The following NOTCH3 variants were observed in gnomAD, a reference collection of about 807,000 sequenced individuals.
The protein encoded by NOTCH3 is neurogenic locus notch homolog protein 3.
A neutral mutation model predicts 213.3 loss-of-function variants in NOTCH3; 86 were observed. That is an observed-to-expected ratio of 0.40 (90% CI 0.34 to 0.48). The LOEUF (loss-of-function observed/expected upper bound fraction) is 0.48. Ranked by LOEUF, NOTCH3 falls within the 20% of genes least tolerant of loss-of-function variation. NOTCH3 has a pLI of 0.57. For synonymous variants in NOTCH3, 1,354 were observed against 1,355.9 expected (o/e 1.00, Z 0.03); for missense variants, 2,783 against 3,272.6 (o/e 0.85, Z 3.65).
rs781063990 is a variant in NOTCH3, at chr19:15,173,052, C to CCTCCTCCT, written c.4736+1015_4736+1016insAGGAGGAG. Among the ~76,000 whole-genome samples the CCTCCTCCT allele has an allele frequency of 6.2e-3, 117 of 18,982 alleles. 30 individuals are homozygous for CCTCCTCCT. Among genetic ancestry groups the CCTCCTCCT allele is most frequent in the East Asian group, 0.025 (14 of 558 alleles). The allele number at this position is 18,982 out of a possible 152,430, so 12.5% of individuals were successfully genotyped here. ...CCCCCTCCCCCTCCCCCTCCCTCCT[C>CCTCCTCCT]CCTCTTCTTCTTCTTCTTCTTCTTC... On this transcript the variant is annotated intron_variant, in intron 25 of 32. Coordinates refer to ENST00000263388, the MANE Select transcript of NOTCH3 (RefSeq NM_000435.3).
Position 15,192,002 on chromosome 19 carries a change from T to G in NOTCH3, c.637A>C (p.Arg213=), listed in dbSNP as rs2088112523. The G allele has an allele frequency of 6.2e-7, 1 of 1,613,370 alleles. No homozygotes were observed. The part of the protein sequence containing the change: ...PSPCRNGGTC[R]QSGDLTYDCA... ...TCGTAAGTGAGGTCGCCACTCTGCC[T>G]GCAGGTGCCCCCGTTACGGCATGGT... is the stretch of plus-strand genomic sequence containing the variant. Residue 213 remains arginine (R), a synonymous_variant, in exon 4 of 33, where the codon AGG becomes CGG. Coordinates refer to ENST00000263388, the MANE Select transcript of NOTCH3 (RefSeq NM_000435.3).
chr19:15,200,003 C>G (rs1427791046), intron 1 of NOTCH3, among the ~76,000 whole-genome samples: 3 of 148,790 alleles, frequency 2.0e-5, no homozygotes, highest in Admixed American at 1.3e-4. Flanking sequence ...GGTGTCTAGA[C>G]GGCGCGGCCA....
At chr19:15,167,134 C>A in intron 29 of NOTCH3, 115 bp downstream of exon 29, 1 of 1,117,738 alleles carries the variant, frequency 8.9e-7, no homozygotes, top group Non-Finnish European at 1.3e-6. Flanking sequence ...ATACACACAC[C>A]CTTCACAGAA....
At chr19:15,191,395 G>A (rs1183013851) in intron 6 of NOTCH3, 29 bp downstream of exon 6, 1 of 1,587,164 alleles carries the variant, frequency 6.3e-7, no homozygotes, top group South Asian at 1.1e-5. Context: ...AACCATCCAT[G>A]GCTCCCTGCA....
rs184996545 is a variant in NOTCH3 at position 15,160,928 on chromosome 19, G to A, written c.6700C>T (p.Arg2234Cys). The A allele has an allele frequency of 7.5e-5, 120 of 1,601,354 alleles. No homozygotes were observed. Among genetic ancestry groups the A allele is most frequent in the Admixed American group, 2.2e-4 (13 of 58,288 alleles). ...TGCTCACTGGGAACCCGCAGGAAGC[G>A]GGCCTTTGGGGGGCTGCTGTGTGCC... is the stretch of plus-strand genomic sequence containing the variant. ...AGAHSSPPKA[R>C]FLRVPSEHPY... Residue 2234 changes from arginine to cysteine, a missense_variant, in exon 33 of 33, where the codon CGC (arginine) becomes TGC (cysteine). Arg to Cys is a radical substitution (Grantham distance 180). This residue lies in a region of NOTCH3 where 441 missense variants were observed against 432.1 expected (regional missense o/e 1.02). Coordinates refer to ENST00000263388, the MANE Select transcript of NOTCH3 (RefSeq NM_000435.3).
chr19:15,160,559 A>C lies in NOTCH3; in HGVS notation c.*103T>G, dbSNP rs1385270277. On this transcript the variant is annotated 3_prime_UTR_variant, in exon 33 of 33. Transcript: ENST00000263388. ...AGGATGCAGGAGGGTTGGTGGAAAG[A>C]GAAGAGGATGAAAAAGACTAAAAGG... The C allele has an allele frequency of 5.1e-6, 5 of 972,252 alleles. No individual in the cohort carries two copies. In the African/African-American group the frequency reaches 8.0e-5, roughly 16 times the overall value. 60.2% of individuals were successfully genotyped at this position (972,252 alleles called of 1,614,324 possible).
rs545671418 is a variant in NOTCH3 at position 15,160,075 on chromosome 19, C to G, written c.*587G>C. 1 of 233,638 alleles carries G rather than the reference C, an allele frequency of 4.3e-6. No individual in the cohort carries two copies. The highest frequency in any genetic ancestry group is 8.5e-6 in the Non-Finnish European group (1 of 118,188). The allele number at this position is 233,638 out of a possible 1,614,324, so 14.5% of individuals were successfully genotyped here. A position where few individuals can be genotyped will look rare whatever the true frequency, so the allele number is the denominator to read the frequency against. ...CCCCGACCCCTGGCCCCAGTGGGTGCGCCCAAGGGTGCCTACTTGGTACAT... is the reference window on the plus strand; with the variant it reads ...CCCCGACCCCTGGCCCCAGTGGGTGGGCCCAAGGGTGCCTACTTGGTACAT... On this transcript the variant is annotated 3_prime_UTR_variant, in exon 33 of 33. Coordinates refer to ENST00000263388, the MANE Select transcript of NOTCH3 (RefSeq NM_000435.3).
rs1366958940 is a variant in NOTCH3, at chr19:15,178,196, G to A, written c.3838-106C>T. 4.2e-5 allele frequency: 29 copies of A among 691,024 alleles called. No individual in the cohort carries two copies. In the East Asian group the frequency reaches 8.1e-4, roughly 19 times the overall value. The allele number at this position is 691,024 out of a possible 1,614,324, so 42.8% of individuals were successfully genotyped here. ...GGAAAAGAAGAGTCAAGGGGAGAGA[G>A]GGGGAAGAGAAGAGGTCAAGACTAA... On this transcript the variant is annotated intron_variant, in intron 23 of 32. Coordinates refer to ENST00000263388, the MANE Select transcript of NOTCH3 (RefSeq NM_000435.3).
Position 15,181,816 on chromosome 19 carries a change from A to G in NOTCH3, c.2567-15T>C. On this transcript the variant is annotated splice_polypyrimidine_tract_variant and intron_variant, in intron 16 of 32. Coordinates refer to ENST00000263388, the MANE Select transcript of NOTCH3 (RefSeq NM_000435.3). The stretch of plus-strand genomic sequence containing the variant: ...CAGGCATGGGTCTGCGGACAGGAGG[A>G]AGGCGGTCTGGTCACCTACCTTGCC... 6.5e-7 allele frequency: 1 copy of G among 1,548,344 alleles called. No homozygotes were observed. The highest frequency in any genetic ancestry group is 8.7e-7 in the Non-Finnish European group (1 of 1,146,496).
chr19:15,160,343 T>G lies in NOTCH3; in HGVS notation c.*319A>C, dbSNP rs1030995611. 1 of 304,576 alleles carries G rather than the reference T, an allele frequency of 3.3e-6. No individual in the cohort carries two copies. The highest frequency in any genetic ancestry group is 6.0e-6 in the Non-Finnish European group (1 of 166,286). The allele number at this position is 304,576 out of a possible 1,614,324, so 18.9% of individuals were successfully genotyped here. On this transcript the variant is annotated 3_prime_UTR_variant, in exon 33 of 33. Coordinates refer to ENST00000263388, the MANE Select transcript of NOTCH3 (RefSeq NM_000435.3). ...GAAAAATAAAAATAATAATAATTCA[T>G]TCATGTCAGAGTGTAAGGAAATGAG...
rs2046807438 is a variant in NOTCH3, at chr19:15,178,056, C to G, written c.3872G>C (p.Arg1291Pro). Residue 1291 changes from arginine to proline, a missense_variant, in exon 24 of 33, where the codon CGC becomes CCC. Arg to Pro is a moderately radical substitution (Grantham distance 103, BLOSUM62 -2). This residue lies in a region of NOTCH3 where 861 missense variants were observed against 909.1 expected (regional missense o/e 0.95). Coordinates refer to ENST00000263388, the MANE Select transcript of NOTCH3 (RefSeq NM_000435.3). Reference sequence around the variant, plus strand: ...CGGGCACTGCAGCTCCCGGCAGGAGCGCGCCACCCGCTCGCAACGCGGACC... The same window carrying G: ...CGGGCACTGCAGCTCCCGGCAGGAGGGCGCCACCCGCTCGCAACGCGGACC... Reference protein sequence around the residue: ...FWGPRCERVARSCRELQCPVG... With the variant: ...FWGPRCERVAPSCRELQCPVG... 6.6e-7 allele frequency: 1 copy of G among 1,519,500 alleles called. No homozygotes were observed. The allele number at this position is 1,519,500 out of a possible 1,614,324, so 94.1% of individuals were successfully genotyped here.
chr19:15,168,258 A>G (rs2046702216), intron 28 of NOTCH3, among the ~76,000 whole-genome samples: 1 of 152,018 alleles, frequency 6.6e-6, no homozygotes, highest in Non-Finnish European at 1.5e-5. Flanking sequence ...ACATTGGGCC[A>G]CCCCTTTAAT....
intron 2 of NOTCH3, among the ~76,000 whole-genome samples, chr19:15,193,409 T>C (rs1056847325): frequency 1.1e-4 from 16 of 151,894 alleles, no homozygotes; most frequent in African/African-American, 3.9e-4. Flanking sequence ...GCTATGCAGA[T>C]GTAATTAAAT....
At position 15,179,346 on chromosome 19, in the gene NOTCH3, A is replaced by G. The variant is rs756288627; in HGVS notation, c.3460+18T>C. 1.2e-6 allele frequency: 2 copies of G among 1,610,958 alleles called. No individual in the cohort carries two copies. Among genetic ancestry groups the G allele is most frequent in the Middle Eastern group, 1.7e-4 (1 of 6,048 alleles). On this transcript the variant is annotated intron_variant, in intron 21 of 32. Transcript: ENST00000263388. ...GACAGCCTCTCATCCTGTCCCCCCAACCCTGGCCCTGGCATACCCAGCGTT... is the reference window on the plus strand; with the variant it reads ...GACAGCCTCTCATCCTGTCCCCCCAGCCCTGGCCCTGGCATACCCAGCGTT...
intron 26 of NOTCH3, 47 bp downstream of exon 26, chr19:15,170,624 G>GCCCC: frequency 1.1e-5 from 17 of 1,546,244 alleles, no homozygotes; most frequent in Non-Finnish European, 1.4e-5. Flanking sequence ...GGCTTCGGCC[G>GCCCC]CCCCCAGCTC....
rs1369793265 is a variant in NOTCH3, at chr19:15,189,046, G to C, written c.1321C>G (p.Arg441Gly). Residue 441 changes from arginine to glycine, a missense_variant, in exon 8 of 33, where the codon CGA becomes GGA. Physicochemically the swap from Arg to Gly is moderately radical, Grantham distance 125 (BLOSUM62 -2). Coordinates refer to ENST00000263388, the MANE Select transcript of NOTCH3 (RefSeq NM_000435.3). ...CGGTCGAGGCACGTGGCCTGGTTTC[G>C]GCAGGGCCCCGACAGACACTCGTTG... ...DVNECLSGPC[R>G]NQATCLDRIG... The C allele has an allele frequency of 4.3e-6, 7 of 1,613,016 alleles. No individual in the cohort carries two copies. The African/African-American group carries it at 5.3e-5, about 12-fold the overall frequency.
At chr19:15,187,718 TTA>T (rs2046894946) in intron 10 of NOTCH3, among the ~76,000 whole-genome samples, 161 bp downstream of exon 10, 1 of 151,968 alleles carries the variant, frequency 6.6e-6, no homozygotes, top group South Asian at 2.1e-4. Context: ...ACACGTAGCC[TTA>T]TGTCAGTCTA....
chr19:15,178,876 G>C lies in NOTCH3; in HGVS notation c.3784C>G (p.Arg1262Gly). 2 of 1,610,686 alleles carry C rather than the reference G, an allele frequency of 1.2e-6. No individual in the cohort carries two copies. The highest frequency in any genetic ancestry group is 1.7e-6 in the Non-Finnish European group (2 of 1,178,584). The change falls in exon 23 of 33, where the codon CGT becomes GGT. Residue 1262 changes from arginine to glycine, a missense_variant. Coordinates refer to ENST00000263388, the MANE Select transcript of NOTCH3 (RefSeq NM_000435.3). ...SQPCQHGGQC[R>G]PSPGPGGGLT... ...CCACCCCCAGGACCCGGGCTAGGAC[G>C]GCACTGGCCTCCATGCTGGCATGGC... is the stretch of plus-strand genomic sequence containing the variant.
rs2046621233 is a variant in NOTCH3, at chr19:15,159,311, G to T, written c.*1351C>A. ...TTAGCTTCATTCTTCTGCCCTGTTT[G>T]CTTGTCTCTTTGCCCACCACCTCGA... On this transcript the variant is annotated 3_prime_UTR_variant, in exon 33 of 33. Coordinates refer to ENST00000263388, the MANE Select transcript of NOTCH3 (RefSeq NM_000435.3). 1.3e-5 allele frequency: 2 copies of T among 156,970 alleles called. No individual in the cohort carries two copies. The highest frequency in any genetic ancestry group is 2.8e-5 in the Non-Finnish European group (2 of 70,916). 9.7% of individuals were successfully genotyped at this position (156,970 alleles called of 1,614,324 possible). A position where few individuals can be genotyped will look rare whatever the true frequency, so the allele number is the denominator to read the frequency against.
Sources: gnomAD v4.1 joint callset for allele counts (sites outside exome capture counted in the v4.1 genomes callset) on GRCh38, gnomAD v4.1.1 for gene constraint, gnomAD v4.1.1 regional missense constraint, MANE v1.5 for transcripts, NCBI Gene and HGNC (gene_info 2026-07-23, HGNC 2026-07-21) for gene names.